CEP112: variants seen among roughly 807,000 people sequenced by gnomAD.
CEP112 encodes the protein centrosomal protein of 112 kDa.
CEP112 carries 127 observed loss-of-function variants against 153.0 expected under a neutral mutation model. The ratio of observed to expected loss-of-function variants is 0.83; its 90% CI spans 0.72 to 0.96. The LOEUF (loss-of-function observed/expected upper bound fraction) is 0.96. CEP112 is among the 40% of genes least tolerant of loss of function. The pLI is 0.00. For missense variants in CEP112, 1,089 were observed against 1,101.2 expected (o/e 0.99, Z 0.16); for synonymous variants, 358 against 374.4 (o/e 0.96, Z 0.51).
At chr17:66,004,071 A>G (rs2064170194) in intron 17 of CEP112, among the ~76,000 whole-genome samples, 1 of 152,184 alleles carries the variant, frequency 6.6e-6, no homozygotes, top group South Asian at 2.1e-4. Flanking sequence ...AACAAGAGAG[A>G]AAAAATATGG....
chr17:66,031,791 G>A (rs930814239), intron 12 of CEP112, among the ~76,000 whole-genome samples: 2 of 152,148 alleles, frequency 1.3e-5, no homozygotes, highest in Admixed American at 6.5e-5. Context: ...AAGCACTTGA[G>A]AACTTCTAAG....
intron 17 of CEP112, among the ~76,000 whole-genome samples, chr17:65,965,261 CT>C (rs1321184838): frequency 6.6e-6 from 1 of 152,100 alleles, no homozygotes; most frequent in Non-Finnish European, 1.5e-5. Flanking sequence ...ATATGAAAAC[CT>C]TGCACAATAA....
At chr17:65,649,850 C>T (rs2045645551) in intron 24 of CEP112, among the ~76,000 whole-genome samples, 3 of 152,156 alleles carry the variant, frequency 2.0e-5, no homozygotes, top group Admixed American at 6.6e-5. Context: ...TCTCTTTCCA[C>T]TTTGCCACTG....
At chr17:65,956,619 A>G (rs201464676) in intron 18 of CEP112, among the ~76,000 whole-genome samples, 1 of 54,226 alleles carries the variant, frequency 1.8e-5, no homozygotes, top group Admixed American at 3.9e-4. Flanking sequence ...CTGGGGACTC[A>G]GGGGGAAGAC....
At chr17:65,682,759 G>A (rs1320212615) in intron 24 of CEP112, among the ~76,000 whole-genome samples, 2 of 151,960 alleles carry the variant, frequency 1.3e-5, no homozygotes, top group Admixed American at 6.6e-5. Context: ...TTGAACACTC[G>A]GCATGTTCTG....
At chr17:65,976,247 A>G (rs928580410) in intron 17 of CEP112, among the ~76,000 whole-genome samples, 1 of 152,224 alleles carries the variant, frequency 6.6e-6, no homozygotes, top group African/African-American at 2.4e-5. Flanking sequence ...AAGGATTCCC[A>G]ACCTTCACCT....
intron 24 of CEP112, among the ~76,000 whole-genome samples, chr17:65,651,848 C>A (rs1052787987): frequency 1.3e-5 from 2 of 152,102 alleles, no homozygotes; most frequent in African/African-American, 2.4e-5. Flanking sequence ...TTAAGGCATG[C>A]ACCACCACTA....
chr17:65,754,219 TAGG>T (rs892959298), intron 21 of CEP112, among the ~76,000 whole-genome samples: 1 of 152,106 alleles, frequency 6.6e-6, no homozygotes, highest in Non-Finnish European at 1.5e-5. Context: ...CAAAGACCTG[TAGG>T]AGATGAGGGT....
chr17:66,034,970 T>TGTGTGTGTGTGTGTGGGTGTG (rs1568411071), intron 12 of CEP112, among the ~76,000 whole-genome samples: 1 of 96,758 alleles, frequency 1.0e-5, no homozygotes, highest in African/African-American at 3.4e-5. Context: ...AGCTAAGTTT[T>TGTGTGTGTGTGTGTGGGTGTG]TGCATGTATA....
intron 23 of CEP112, among the ~76,000 whole-genome samples, chr17:65,721,034 C>T (rs1318360645): frequency 1.6e-5 from 2 of 127,070 alleles, no homozygotes; most frequent in East Asian, 2.4e-4. Flanking sequence ...TTTTTTGAGA[C>T]GGAGTCTCGC....
chr17:65,884,740 G>A (rs1445835080), intron 20 of CEP112, among the ~76,000 whole-genome samples: 14 of 131,834 alleles, frequency 1.1e-4, no homozygotes, highest in African/African-American at 3.7e-4. Flanking sequence ...TTTTTGAGAC[G>A]GAGTTTTGCT....
chr17:65,854,575 A>G (rs1019645772), intron 20 of CEP112, among the ~76,000 whole-genome samples: 1 of 152,206 alleles, frequency 6.6e-6, no homozygotes, highest in Non-Finnish European at 1.5e-5. Context: ...AGGATGTCCC[A>G]TTTTTATCCT....
At chr17:65,707,862 G>C (rs551491786) in intron 23 of CEP112, among the ~76,000 whole-genome samples, 6 of 152,290 alleles carry the variant, frequency 3.9e-5, no homozygotes, top group Admixed American at 1.3e-4. Context: ...TGAAAGAACT[G>C]GTGTGATTCC....
At chr17:65,796,658 A>G (rs1159269540) in intron 21 of CEP112, among the ~76,000 whole-genome samples, 1 of 152,140 alleles carries the variant, frequency 6.6e-6, no homozygotes, top group Non-Finnish European at 1.5e-5. Context: ...CACCTCATAC[A>G]GTTTGAAAAT....
chr17:65,713,596 T>C (rs73336876), intron 23 of CEP112, among the ~76,000 whole-genome samples: 12,109 of 152,172 alleles, frequency 0.08, 1,047 homozygotes, highest in East Asian at 0.48. Flanking sequence ...TTTCTTTTTT[T>C]CTTTTTTTGA....
chr17:65,825,125 C>T (rs1351212903), intron 21 of CEP112, among the ~76,000 whole-genome samples: 5 of 152,190 alleles, frequency 3.3e-5, no homozygotes, highest in African/African-American at 9.7e-5. Flanking sequence ...GTGGTATACA[C>T]ATGCAATGGA....
At chr17:65,827,374 T>C (rs1208119140) in intron 21 of CEP112, among the ~76,000 whole-genome samples, 1 of 152,210 alleles carries the variant, frequency 6.6e-6, no homozygotes, top group Non-Finnish European at 1.5e-5. Flanking sequence ...TATGGCTTAC[T>C]TTCTGGCTCT....
chr17:65,979,154 C>A (rs1599240073), intron 17 of CEP112, among the ~76,000 whole-genome samples: 1 of 152,122 alleles, frequency 6.6e-6, no homozygotes, highest in East Asian at 1.9e-4. Flanking sequence ...TGCTCCCCAC[C>A]CCCACCATTG....
At chr17:65,970,482 T>G in intron 17 of CEP112, among the ~76,000 whole-genome samples, 1 of 68,670 alleles carries the variant, frequency 1.5e-5, no homozygotes, top group Non-Finnish European at 3.5e-5. Context: ...GTATATTACA[T>G]GCATGCACAC....
Sources: allele counts gnomAD v4.1 joint callset (sites outside exome capture counted in the v4.1 genomes callset), GRCh38; gene constraint gnomAD v4.1.1; transcripts MANE v1.5; gene names NCBI Gene and HGNC (gene_info 2026-07-23, HGNC 2026-07-21).